Variants in STPG2 observed in about 807,000 individuals in gnomAD.
STPG2 encodes the protein sperm tail PG-rich repeat containing 2, also known as sperm-tail PG-rich repeat-containing protein 2.
A neutral mutation model predicts 54.2 loss-of-function variants in STPG2; 56 were observed. The ratio of observed to expected loss-of-function variants is 1.03; its 90% confidence interval spans 0.83 to 1.29. The LOEUF (loss-of-function observed/expected upper bound fraction) is 1.29. Among genes scored for constraint, STPG2 ranks in the 50% most tolerant of loss-of-function variants. STPG2 has a pLI of 0.00. For synonymous variants in STPG2, 200 were observed against 181.8 expected, an observed-to-expected ratio of 1.10 and a Z score of -0.81; for missense variants, 596 against 544.9, an observed-to-expected ratio of 1.09 and a Z score of -0.93.
chr4:97,735,188 A>G (rs1724937688), intron 9 of STPG2, among the ~76,000 whole-genome samples: 1 of 152,040 alleles, frequency 6.6e-6, no homozygotes, highest in Non-Finnish European at 1.5e-5. Flanking sequence ...TCATATATAT[A>G]CTTCTATATA....
chr4:97,939,648 G>C lies in STPG2; in HGVS notation c.1044+4249C>G, dbSNP rs188644973. Among the ~76,000 whole-genome samples, 1,057 of 152,196 alleles carry C rather than the reference G, an allele frequency of 6.9e-3. 10 individuals are homozygous for C. Among genetic ancestry groups the C allele is most frequent in the Non-Finnish European group, 8.5e-3 (576 of 67,992 alleles). ...CCTGCTTTTTTTCTGTTTTCCATTT[G>C]CTTGACAGATTTTCCTCCATCCCTT... On this transcript the variant is annotated intron_variant, in intron 8 of 10. Coordinates refer to ENST00000295268, the MANE Select transcript of STPG2 (RefSeq NM_174952.3).
At chr4:97,592,400 A>C (rs2148899262) in intron 10 of STPG2, among the ~76,000 whole-genome samples, 1 of 152,214 alleles carries the variant, frequency 6.6e-6, no homozygotes, top group South Asian at 2.1e-4. Context: ...GTTTTTTGAG[A>C]TCTCAATACA....
intron 5 of STPG2, among the ~76,000 whole-genome samples, chr4:98,000,824 G>C (rs1375595455): frequency 6.6e-6 from 1 of 152,076 alleles, no homozygotes; most frequent in African/African-American, 2.4e-5. Flanking sequence ...ATTGGTGACA[G>C]GGCATGTTTT....
chr4:97,449,499 G>A (rs991721035), intron 4 of STPG2, among the ~76,000 whole-genome samples: 1 of 152,154 alleles, frequency 6.6e-6, no homozygotes, highest in Non-Finnish European at 1.5e-5. Flanking sequence ...CCATTGCTGT[G>A]AGGAATGTCC....
intron 5 of STPG2, among the ~76,000 whole-genome samples, chr4:98,095,697 G>T (rs1451376317): frequency 6.6e-6 from 1 of 152,096 alleles, no homozygotes; most frequent in African/African-American, 2.4e-5. Context: ...CTAAAGAAAA[G>T]ATATACACCA....
At chr4:97,920,608 C>G (rs1403729581) in intron 8 of STPG2, among the ~76,000 whole-genome samples, 3 of 151,654 alleles carry the variant, frequency 2.0e-5, no homozygotes, top group Non-Finnish European at 4.4e-5. Flanking sequence ...AAAAAAAAAG[C>G]AGTGCCACAG....
intron 5 of STPG2, among the ~76,000 whole-genome samples, chr4:97,983,991 C>T (rs1734754958): frequency 6.6e-6 from 1 of 152,180 alleles, no homozygotes; most frequent in Non-Finnish European, 1.5e-5. Flanking sequence ...TTCACCTCCT[C>T]CAATCCATAT....
intron 10 of STPG2, among the ~76,000 whole-genome samples, chr4:97,563,583 T>C (rs1168653035): frequency 1.3e-5 from 2 of 152,256 alleles, no homozygotes; most frequent in Admixed American, 6.5e-5. Context: ...TTTAGTGCTA[T>C]AAATTTCCCT....
intron 8 of STPG2, among the ~76,000 whole-genome samples, chr4:97,877,882 G>A (rs1182076024): frequency 3.3e-5 from 5 of 152,088 alleles, no homozygotes; most frequent in Non-Finnish European, 5.9e-5. Context: ...GAGACAAGGC[G>A]ATCCCTTCCA....
intron 10 of STPG2, among the ~76,000 whole-genome samples, chr4:97,564,379 CTT>C (rs1345553424): frequency 3.3e-5 from 5 of 152,096 alleles, no homozygotes; most frequent in Admixed American, 1.3e-4. Context: ...GGTCTTGACT[CTT>C]TATCCAATTT....
intron 3 of STPG2, among the ~76,000 whole-genome samples, chr4:98,117,899 A>T (rs1471547907): frequency 1.3e-5 from 2 of 152,080 alleles, no homozygotes; most frequent in Admixed American, 6.6e-5. Context: ...AGCTAATTTA[A>T]AAATTTTATC....
intron 5 of STPG2, among the ~76,000 whole-genome samples, chr4:98,104,119 C>T (rs1046386720): frequency 6.6e-6 from 1 of 152,108 alleles, no homozygotes; most frequent in Non-Finnish European, 1.5e-5. Context: ...CTTGCCTATA[C>T]AAACACATGC....
chr4:97,722,540 T>C (rs1173560232), intron 9 of STPG2, among the ~76,000 whole-genome samples: 1 of 152,158 alleles, frequency 6.6e-6, no homozygotes, highest in East Asian at 1.9e-4. Context: ...CTTTAGGGTT[T>C]AAAATGTTAA....
At chr4:97,696,775 A>T (rs2148993877) in intron 10 of STPG2, among the ~76,000 whole-genome samples, 1 of 152,338 alleles carries the variant, frequency 6.6e-6, no homozygotes, top group African/African-American at 2.4e-5. Context: ...ACAGACATTA[A>T]ATAATGCTCA....
intron 8 of STPG2, among the ~76,000 whole-genome samples, chr4:97,856,200 G>C (rs899558251): frequency 6.6e-6 from 1 of 152,086 alleles, no homozygotes; most frequent in African/African-American, 2.4e-5. Context: ...CTAATTCTGC[G>C]GAGAATGTCA....
chr4:97,913,473 C>T (rs966126388), intron 8 of STPG2, among the ~76,000 whole-genome samples: 16 of 152,122 alleles, frequency 1.1e-4, no homozygotes, highest in South Asian at 6.2e-4. Flanking sequence ...TCAAGGAAGA[C>T]GATAGGCTAT....
At chr4:98,011,642 T>A (rs1005509210) in intron 5 of STPG2, among the ~76,000 whole-genome samples, 22 of 152,224 alleles carry the variant, frequency 1.4e-4, no homozygotes, top group Admixed American at 1.4e-3. Flanking sequence ...GACTTTTTAA[T>A]AATCACCATT....
chr4:98,102,270 G>A (rs1042080937), intron 5 of STPG2, among the ~76,000 whole-genome samples: 1 of 152,046 alleles, frequency 6.6e-6, no homozygotes, highest in African/African-American at 2.4e-5. Flanking sequence ...TGTCTTTCAG[G>A]GATCTGCAAA....
At chr4:97,567,626 G>C (rs1732488929) in intron 10 of STPG2, among the ~76,000 whole-genome samples, 1 of 151,780 alleles carries the variant, frequency 6.6e-6, no homozygotes, top group Non-Finnish European at 1.5e-5. Flanking sequence ...AATAAACTAT[G>C]CTGGATTTAC....
Sources: gnomAD v4.1 joint callset for allele counts (sites outside exome capture counted in the v4.1 genomes callset) on GRCh38, gnomAD v4.1.1 for gene constraint, MANE v1.5 for transcripts, NCBI Gene and HGNC (gene_info 2026-07-23, HGNC 2026-07-21) for gene names.